The following CRYBG3 variants were observed in gnomAD, a reference collection of about 807,000 sequenced individuals.
CRYBG3 encodes the protein crystallin beta-gamma domain containing 3, also known as very large A-kinase anchor protein.
CRYBG3 carries 127 observed loss-of-function variants against 244.2 expected under a neutral mutation model. The observed-to-expected ratio is 0.52, with a 90% confidence interval of 0.45 to 0.60. The LOEUF is 0.60. CRYBG3 is among the 20% of genes least tolerant of loss of function. The probability of loss-of-function intolerance (pLI) is 0.00; values close to 1 mark genes in which losing one functional copy is unlikely to be tolerated. For missense variants in CRYBG3, 3,325 were observed against 3,442.5 expected (o/e 0.97, Z 0.85); for synonymous variants, 1,132 against 1,195.8 (o/e 0.95, Z 1.10).
Position 97,888,249 on chromosome 3 carries a change from TTTTG to T in CRYBG3, c.7290-88_7290-85del, listed in dbSNP as rs1390780507. ...ACTAGTGTAATTCTGTGATGGAGGA[TTTTG>T]TTTTTTTATTTTGGTAGCCCTTTTT... is the stretch of plus-strand genomic sequence containing the variant. On this transcript the variant is annotated intron_variant, in intron 8 of 21. Transcript: ENST00000389622. 4 of 702,050 alleles carry T rather than the reference TTTTG, an allele frequency of 5.7e-6. No individual in the cohort carries two copies. In the East Asian group the frequency reaches 1.1e-4, roughly 19 times the overall value. The allele number at this position is 702,050 out of a possible 1,614,324, so 43.5% of individuals were successfully genotyped here.
chr3:97,833,445 A>G (rs1163169622), intron 1 of CRYBG3, among the ~76,000 whole-genome samples: 1 of 152,198 alleles, frequency 6.6e-6, no homozygotes, highest in African/African-American at 2.4e-5. Flanking sequence ...CATCATTCTC[A>G]GCAAACTATC....
chr3:97,897,889 T>G (rs2039657149), intron 12 of CRYBG3, among the ~76,000 whole-genome samples: 1 of 152,154 alleles, frequency 6.6e-6, no homozygotes, highest in African/African-American at 2.4e-5. Context: ...GAGCAATATG[T>G]TTTGACAAAA....
intron 1 of CRYBG3, among the ~76,000 whole-genome samples, chr3:97,836,492 T>C (rs562146185): frequency 1.3e-5 from 2 of 152,246 alleles, no homozygotes; most frequent in South Asian, 4.1e-4. Flanking sequence ...CTCTGTCTTT[T>C]TCCCCATAGC....
Position 97,880,093 on chromosome 3 carries a change from A to C in CRYBG3, c.6997A>C (p.Arg2333=). Residue 2333 remains arginine (R), a synonymous_variant, in exon 6 of 22, where the codon AGG becomes CGG. Transcript: ENST00000389622. Reference sequence around the variant, plus strand: ...AAATGGAGTTCTAATAAAAGTTGTAAGGGGCTGGTAAGAAGTTTCTTAAAA... The same window carrying C: ...AAATGGAGTTCTAATAAAAGTTGTACGGGGCTGGTAAGAAGTTTCTTAAAA... ...FPNGVLIKVV[R]GCWILYEKPH... 1 of 1,533,134 alleles carries C rather than the reference A, an allele frequency of 6.5e-7. No individual in the cohort carries two copies. The highest frequency in any genetic ancestry group is 1.7e-4 in the Middle Eastern group (1 of 5,894). The allele number at this position is 1,533,134 out of a possible 1,614,324, so 95.0% of individuals were successfully genotyped here. A position where few individuals can be genotyped will look rare whatever the true frequency, so the allele number is the denominator to read the frequency against.
chr3:97,832,256 G>C (rs1053631086), intron 1 of CRYBG3, among the ~76,000 whole-genome samples: 3 of 142,876 alleles, frequency 2.1e-5, no homozygotes, highest in Non-Finnish European at 4.5e-5. Flanking sequence ...AGCCCATATA[G>C]CCAAGACAAT....
In CRYBG3 at chr3:97,878,042, GTTATT is replaced by G. The variant is rs2039403359; in HGVS notation, c.6843+8_6843+12del. 6.3e-7 allele frequency: 1 copy of G among 1,587,784 alleles called. No homozygotes were observed. The highest frequency in any genetic ancestry group is 1.4e-5 in the African/African-American group (1 of 73,344). On this transcript the variant is annotated splice_donor_region_variant and intron_variant, in intron 4 of 21. Transcript: ENST00000389622. ...AGATTGAGCCCATTTATAGAGGTAA[GTTATT>G]TTGTTTATTGTATTAATAATAGTTA...
At chr3:97,855,757 A>G (rs1391671882) in intron 2 of CRYBG3, among the ~76,000 whole-genome samples, 1 of 152,176 alleles carries the variant, frequency 6.6e-6, no homozygotes, top group Non-Finnish European at 1.5e-5. Flanking sequence ...TGCAAAAACC[A>G]GCAAGTTTTT....
rs552602441 is a variant in CRYBG3 at position 97,881,669 on chromosome 3, TCACGCCACTG to T, written c.7152+454_7152+463del. Among the ~76,000 whole-genome samples, 171 of 152,066 alleles carry T rather than the reference TCACGCCACTG, an allele frequency of 1.1e-3. 1 individual carries two copies. The Middle Eastern group carries it at 0.017, about 15-fold the overall frequency. ...ACACGGAGGTTGCAGTCAATCAGGATCACGCCACTGCACTCCAGCCTGGGCGACAGAGTGA... is the reference window on the plus strand; with the variant it reads ...ACACGGAGGTTGCAGTCAATCAGGATCACTCCAGCCTGGGCGACAGAGTGA... On this transcript the variant is annotated intron_variant, in intron 7 of 21. Coordinates refer to ENST00000389622, the MANE Select transcript of CRYBG3 (RefSeq NM_153605.4).
chr3:97,888,562 A>G, intron 9 of CRYBG3, 107 bp downstream of exon 9: 2 of 746,344 alleles, frequency 2.7e-6, no homozygotes, highest in South Asian at 3.1e-5. Flanking sequence ...GAATATGTGT[A>G]CTACTGAATT....
At chr3:97,829,598 A>G (rs1347030358) in intron 1 of CRYBG3, among the ~76,000 whole-genome samples, 2 of 152,222 alleles carry the variant, frequency 1.3e-5, no homozygotes, top group Non-Finnish European at 2.9e-5. Flanking sequence ...TTTTATTGGA[A>G]AAGTCACATA....
At chr3:97,827,848 C>G (rs1559710294) in intron 1 of CRYBG3, among the ~76,000 whole-genome samples, 1 of 152,136 alleles carries the variant, frequency 6.6e-6, no homozygotes, top group African/African-American at 2.4e-5. Context: ...TCAAAGCCTA[C>G]AGCATTATGT....
intron 16 of CRYBG3, among the ~76,000 whole-genome samples, chr3:97,913,337 A>C (rs1367656652): frequency 6.6e-6 from 1 of 151,976 alleles, no homozygotes; most frequent in Non-Finnish European, 1.5e-5. Context: ...CTCCGTACCC[A>C]CTATACCAGG....
At chr3:97,826,528 A>G (rs1234983952) in intron 1 of CRYBG3, among the ~76,000 whole-genome samples, 1 of 152,266 alleles carries the variant, frequency 6.6e-6, no homozygotes, top group Non-Finnish European at 1.5e-5. Context: ...GAAATATACC[A>G]AAGTCCAGAT....
intron 1 of CRYBG3, among the ~76,000 whole-genome samples, chr3:97,838,758 T>G (rs2038771207): frequency 6.6e-6 from 1 of 152,142 alleles, no homozygotes; most frequent in East Asian, 1.9e-4. Flanking sequence ...AATTTAATTT[T>G]AAGAAAATAA....
In CRYBG3 at chr3:97,877,033, C is replaced by G; in HGVS notation, c.5839C>G (p.Pro1947Ala). 6.3e-7 allele frequency: 1 copy of G among 1,580,914 alleles called. No homozygotes were observed. The highest frequency in any genetic ancestry group is 8.6e-7 in the Non-Finnish European group (1 of 1,163,922). The change falls in exon 4 of 22, where the codon CCA becomes GCA. Residue 1947 changes from proline to alanine, a missense_variant. Coordinates refer to ENST00000389622, the MANE Select transcript of CRYBG3 (RefSeq NM_153605.4). ...TAAGGATTATGAGGGCTACCCAGCC[C>G]CAGCAATGCCAGATTTTCAACCTGG... ...LSKDYEGYPA[P>A]AMPDFQPGDT...
intron 15 of CRYBG3, among the ~76,000 whole-genome samples, chr3:97,910,543 CAGAA>C (rs1347603902): frequency 6.6e-6 from 1 of 152,208 alleles, no homozygotes; most frequent in African/African-American, 2.4e-5. Flanking sequence ...TTCTTTGACT[CAGAA>C]AGGGAACTCC....
rs831896 is a variant in CRYBG3 at position 97,894,705 on chromosome 3, T to C, written c.7575-1254T>C. 2.5e-3 allele frequency among the ~76,000 whole-genome samples: 387 copies of C among 152,310 alleles called. 3 individuals are homozygous for C. The highest frequency in any genetic ancestry group is 0.025 in the East Asian group (130 of 5,176). ...GGTCTTTTATACCTTTTATTTTTTT[T>C]CCCATTCAGATATAAATAAAAGCGT... On this transcript the variant is annotated intron_variant, in intron 11 of 21. Coordinates refer to ENST00000389622, the MANE Select transcript of CRYBG3 (RefSeq NM_153605.4).
At chr3:97,868,215 C>A (rs1342263577) in intron 3 of CRYBG3, among the ~76,000 whole-genome samples, 1 of 148,146 alleles carries the variant, frequency 6.8e-6, no homozygotes, top group Non-Finnish European at 1.5e-5. Flanking sequence ...ACCCAGGAGG[C>A]AGAGCTTGCA....
intron 15 of CRYBG3, among the ~76,000 whole-genome samples, chr3:97,910,102 C>A (rs1043996568): frequency 1.3e-5 from 2 of 151,668 alleles, no homozygotes; most frequent in South Asian, 2.1e-4. Flanking sequence ...GCAGTCTGCC[C>A]GTTCTCAGAT....
Sources: gnomAD v4.1 joint callset for allele counts (sites outside exome capture counted in the v4.1 genomes callset) on GRCh38, gnomAD v4.1.1 for gene constraint, MANE v1.5 for transcripts, NCBI Gene and HGNC (gene_info 2026-07-23, HGNC 2026-07-21) for gene names.